The following MCPH1 variants were observed in gnomAD, a reference collection of about 807,000 sequenced individuals.
The protein encoded by MCPH1 is microcephalin 1.
A neutral mutation model predicts 84.5 loss-of-function variants in MCPH1; 104 were observed. That is an observed-to-expected ratio of 1.23 (90% CI 1.05 to 1.45). The LOEUF (loss-of-function observed/expected upper bound fraction) is 1.45. Ranked by LOEUF, MCPH1 falls within the 40% of genes most tolerant of loss-of-function variation. The pLI is 0.00. For synonymous variants in MCPH1, 514 were observed against 366.8 expected (o/e 1.40, Z -4.58); for missense variants, 1,498 against 1,005.7 (o/e 1.49, Z -6.62).
chr8:6,637,132 C>G (rs1448242914), intron 13 of MCPH1, among the ~76,000 whole-genome samples: 1 of 152,248 alleles, frequency 6.6e-6, no homozygotes, highest in Non-Finnish European at 1.5e-5. Flanking sequence ...TTCCTACACA[C>G]TCGTCATATG....
At chr8:6,513,339 T>TC (rs1244783053) in intron 12 of MCPH1, among the ~76,000 whole-genome samples, 80 of 150,410 alleles carry the variant, frequency 5.3e-4, no homozygotes, top group Middle Eastern at 3.4e-3. Flanking sequence ...CTTTTTCTTT[T>TC]TTTTTTTTTT....
rs977183143 is a variant in MCPH1 at position 6,460,376 on chromosome 8, A to AT, written c.1935+5132dup. On this transcript the variant is annotated intron_variant, in intron 9 of 13. Coordinates refer to ENST00000344683, the MANE Select transcript of MCPH1 (RefSeq NM_024596.5). ...TTTTTCAGTCCCTGCTATTCCATTTATTTTTTTTAATTATTTTTTGTAGAG... is the reference window on the plus strand; with the variant it reads ...TTTTTCAGTCCCTGCTATTCCATTTATTTTTTTTTAATTATTTTTTGTAGAG... Among the ~76,000 whole-genome samples the AT allele has an allele frequency of 7.3e-5, 11 of 150,836 alleles. No homozygotes were observed. In the South Asian group the frequency reaches 8.4e-4, roughly 12 times the overall value.
At position 6,626,494 on chromosome 8, in the gene MCPH1, G is replaced by A. The variant is rs1032822644; in HGVS notation, c.2452+4803G>A. The stretch of plus-strand genomic sequence containing the variant: ...GTTTTGTTTTTTTTTTTTTTTTTGC[G>A]TTTTGAGAGAGCACACTTGTGGGTG... On this transcript the variant is annotated intron_variant, in intron 13 of 13. Transcript: ENST00000344683. The A allele has an allele frequency of 6.0e-5, 47 of 784,388 alleles. No individual in the cohort carries two copies. The East Asian group carries it at 7.8e-4, about 13-fold the overall frequency. The allele number at this position is 784,388 out of a possible 1,614,324, so 48.6% of individuals were successfully genotyped here.
chr8:6,561,766 C>A (rs1479311236), intron 12 of MCPH1, among the ~76,000 whole-genome samples: 1 of 151,920 alleles, frequency 6.6e-6, no homozygotes, highest in Non-Finnish European at 1.5e-5. Context: ...ATAAATAGCT[C>A]CCATGTTTAC....
chr8:6,596,247 T>A (rs533291679), intron 12 of MCPH1, among the ~76,000 whole-genome samples: 1 of 152,266 alleles, frequency 6.6e-6, no homozygotes, highest in South Asian at 2.1e-4. Flanking sequence ...CCAAGTCACT[T>A]CATCCCTTTG....
At chr8:6,637,121 T>C (rs1362916903) in intron 13 of MCPH1, among the ~76,000 whole-genome samples, 1 of 152,258 alleles carries the variant, frequency 6.6e-6, no homozygotes, top group Non-Finnish European at 1.5e-5. Flanking sequence ...CCAGTAGATA[T>C]TTCCTACACA....
At position 6,435,069 on chromosome 8, in the gene MCPH1, C is replaced by T. The variant is rs757756890; in HGVS notation, c.322-979C>T. 2.9e-4 allele frequency among the ~76,000 whole-genome samples: 44 copies of T among 152,120 alleles called. 1 individual carries two copies. Among genetic ancestry groups the T allele is most frequent in the Non-Finnish European group, 5.7e-4 (39 of 68,016 alleles). ...AAGAGTAGAGTTAACCCAAGACCTT[C>T]CTGTGGATATCAGCCTGGGGTTTCA... On this transcript the variant is annotated intron_variant, in intron 4 of 13. Coordinates refer to ENST00000344683, the MANE Select transcript of MCPH1 (RefSeq NM_024596.5).
Position 6,641,409 on chromosome 8 carries a change from A to G in MCPH1, c.2453-1585A>G, listed in dbSNP as rs530262179. Among the ~76,000 whole-genome samples the G allele has an allele frequency of 4.6e-5, 7 of 152,368 alleles. No homozygotes were observed. In the East Asian group the frequency reaches 1.3e-3, roughly 29 times the overall value. ...GACAAAGTGTTGATATAATTTGAAT[A>G]CATAAGAAATTGAAACTTATACATG... On this transcript the variant is annotated intron_variant, in intron 13 of 13. Transcript: ENST00000344683.
intron 13 of MCPH1, among the ~76,000 whole-genome samples, chr8:6,637,843 C>T (rs182480363): frequency 6.6e-6 from 1 of 151,926 alleles, no homozygotes; most frequent in South Asian, 2.1e-4. Context: ...GGGGTTAGGA[C>T]CAGGGACGTA....
chr8:6,448,271 C>G (rs1467102999), intron 8 of MCPH1, among the ~76,000 whole-genome samples: 1 of 152,218 alleles, frequency 6.6e-6, no homozygotes, highest in Non-Finnish European at 1.5e-5. Flanking sequence ...GCCTGTGACT[C>G]TGTCAAAATC....
At chr8:6,429,011 G>C (rs550016829) in intron 3 of MCPH1, among the ~76,000 whole-genome samples, 1 of 152,078 alleles carries the variant, frequency 6.6e-6, no homozygotes, top group African/African-American at 2.4e-5. Flanking sequence ...TTTTTAATCC[G>C]CCCCTCTGAG....
At chr8:6,486,895 C>G (rs930346102) in intron 11 of MCPH1, among the ~76,000 whole-genome samples, 1 of 152,198 alleles carries the variant, frequency 6.6e-6, no homozygotes, top group Non-Finnish European at 1.5e-5. Flanking sequence ...TTATCCCACT[C>G]TCACTTAATT....
At chr8:6,544,269 C>T (rs375656393) in intron 12 of MCPH1, among the ~76,000 whole-genome samples, 3 of 152,180 alleles carry the variant, frequency 2.0e-5, no homozygotes, top group South Asian at 2.1e-4. Context: ...CCCATAAACA[C>T]GTTCTACTTC....
Position 6,411,261 on chromosome 8 carries a change from G to C in MCPH1, c.114+1891G>C, listed in dbSNP as rs59244869. On this transcript the variant is annotated intron_variant, in intron 2 of 13. Coordinates refer to ENST00000344683, the MANE Select transcript of MCPH1 (RefSeq NM_024596.5). Reference sequence around the variant, plus strand: ...TTCCTGAAAAGTAACTTAAGCAACTGTTACCGTGGTGACATATCCACCAGA... The same window carrying C: ...TTCCTGAAAAGTAACTTAAGCAACTCTTACCGTGGTGACATATCCACCAGA... Among the ~76,000 whole-genome samples, 1,211 of 152,254 alleles carry C rather than the reference G, an allele frequency of 8.0e-3. 53 individuals carry two copies. Among genetic ancestry groups the C allele is most frequent in the East Asian group, 0.069 (357 of 5,180 alleles).
At chr8:6,539,900 T>C (rs1045694294) in intron 12 of MCPH1, among the ~76,000 whole-genome samples, 3 of 152,234 alleles carry the variant, frequency 2.0e-5, no homozygotes, top group Non-Finnish European at 1.5e-5. Context: ...TAATAATTTA[T>C]GAGTGACTAT....
intron 3 of MCPH1, among the ~76,000 whole-genome samples, chr8:6,429,713 C>G (rs954982807): frequency 1.5e-4 from 23 of 152,172 alleles, no homozygotes; most frequent in African/African-American, 5.5e-4. Context: ...TTTTTATTGT[C>G]TAAATATTAT....
At chr8:6,568,764 C>T (rs1173113009) in intron 12 of MCPH1, among the ~76,000 whole-genome samples, 2 of 152,230 alleles carry the variant, frequency 1.3e-5, no homozygotes, top group African/African-American at 2.4e-5. Flanking sequence ...TGTCTCCCGC[C>T]TGCCGTCCTC....
chr8:6,519,411 AAAAAG>A (rs1816882392), intron 12 of MCPH1, among the ~76,000 whole-genome samples: 1 of 152,220 alleles, frequency 6.6e-6, no homozygotes, highest in Non-Finnish European at 1.5e-5. Flanking sequence ...GTCACACACA[AAAAAG>A]AAAGGAACAA....
At chr8:6,548,145 G>C (rs576684963) in intron 12 of MCPH1, among the ~76,000 whole-genome samples, 3 of 152,118 alleles carry the variant, frequency 2.0e-5, no homozygotes, top group African/African-American at 7.2e-5. Flanking sequence ...TGAGTAGTTG[G>C]TTCCACTGGA....
Sources: allele counts gnomAD v4.1 joint callset (sites outside exome capture counted in the v4.1 genomes callset), GRCh38; gene constraint gnomAD v4.1.1; transcripts MANE v1.5; gene names NCBI Gene and HGNC (gene_info 2026-07-23, HGNC 2026-07-21).